TRIM2: variants seen among roughly 807,000 people sequenced by gnomAD.
TRIM2 encodes tripartite motif containing 2.
Under a neutral mutation model 75.2 loss-of-function variants are expected in TRIM2, and 20 were observed. The observed-to-expected ratio is 0.27, with a 90% confidence interval of 0.19 to 0.39. TRIM2 has a LOEUF of 0.39. Among genes scored for constraint, TRIM2 ranks in the 10% least tolerant of loss-of-function variants. The pLI, the probability that TRIM2 is intolerant of heterozygous loss-of-function variation, is 1.00. For synonymous variants in TRIM2, 373 were observed against 388.3 expected (o/e 0.96, Z 0.46); for missense variants, 660 against 990.8 (o/e 0.67, Z 4.48).
At chr4:153,214,530 G>A (rs1203748895) in intron 1 of TRIM2, among the ~76,000 whole-genome samples, 1 of 152,220 alleles carries the variant, frequency 6.6e-6, no homozygotes, top group African/African-American at 2.4e-5. Flanking sequence ...AACCAGAACT[G>A]TTTACCCTAC....
chr4:153,206,286 G>A (rs1579538220), intron 1 of TRIM2, among the ~76,000 whole-genome samples: 1 of 152,202 alleles, frequency 6.6e-6, no homozygotes, highest in African/African-American at 2.4e-5. Flanking sequence ...TCCATGAGAA[G>A]TTCTCACGAT....
In TRIM2 at chr4:153,295,743, G is replaced by C. The variant is rs759021396; in HGVS notation, c.1217G>C (p.Gly406Ala). The change falls in exon 6 of 12, where the codon GGG (glycine) becomes GCG (alanine). Residue 406 changes from glycine (G) to alanine (A), a missense_variant. Transcript: ENST00000338700. The surrounding 1 kb of genome is among the most constrained non-coding windows in gnomAD (Gnocchi z 7.2). ...ACCCCCGACGGGAGCGTGGCAGACG[G>C]GGAGATCCTGGACAACAAGAACGGC... ...LSTPDGSVAD[G>A]EILDNKNGTY... 6.2e-7 allele frequency: 1 copy of C among 1,614,084 alleles called. No individual in the cohort carries two copies. The highest frequency in any genetic ancestry group is 8.5e-7 in the Non-Finnish European group (1 of 1,179,998).
Position 153,315,582 on chromosome 4 carries a change from T to C in TRIM2, c.1608T>C (p.Cys536=). 1 of 1,608,126 alleles carries C rather than the reference T, an allele frequency of 6.2e-7. No individual in the cohort carries two copies. Among genetic ancestry groups the C allele is most frequent in the South Asian group, 1.1e-5 (1 of 89,442 alleles). Reference sequence around the variant, plus strand: ...TAATTGCAGACAGTAACAACCAATGTGTGCAGGTATAGCCCCTAATTATAT... The same window carrying C: ...TAATTGCAGACAGTAACAACCAATGCGTGCAGGTATAGCCCCTAATTATAT... ...KILIADSNNQ[C]VQIFSNDGQF... Residue 536 remains cysteine (C), a synonymous_variant, in exon 7 of 12, where the codon TGT becomes TGC. Coordinates refer to ENST00000338700, the MANE Select transcript of TRIM2 (RefSeq NM_015271.5).
At chr4:153,223,092 C>T (rs910281727) in intron 1 of TRIM2, 1 of 152,136 alleles carries the variant, frequency 6.6e-6, no homozygotes, top group Admixed American at 6.5e-5. Context: ...GGGCAAGGTC[C>T]GGTGGCCGGA....
At chr4:153,210,391 A>G (rs1173684865) in intron 1 of TRIM2, among the ~76,000 whole-genome samples, 1 of 152,128 alleles carries the variant, frequency 6.6e-6, no homozygotes, top group Non-Finnish European at 1.5e-5. Flanking sequence ...AAATGTAGGG[A>G]CATCAAGCAA....
At chr4:153,168,318 A>AAAT (rs1730514208) in intron 1 of TRIM2, among the ~76,000 whole-genome samples, 1 of 152,214 alleles carries the variant, frequency 6.6e-6, no homozygotes, top group South Asian at 2.1e-4. Context: ...TAAATTACAT[A>AAAT]AATTGTTTTG....
At chr4:153,209,178 C>T (rs1334790385) in intron 1 of TRIM2, among the ~76,000 whole-genome samples, 1 of 152,208 alleles carries the variant, frequency 6.6e-6, no homozygotes, top group African/African-American at 2.4e-5. Context: ...CAATGCCTCC[C>T]TAACTAGAGT....
intron 1 of TRIM2, among the ~76,000 whole-genome samples, chr4:153,172,631 C>A (rs1401570677): frequency 6.6e-6 from 1 of 152,194 alleles, no homozygotes; most frequent in Non-Finnish European, 1.5e-5. Flanking sequence ...TGTGCCCACC[C>A]TCTGCCCAAT....
intron 10 of TRIM2, among the ~76,000 whole-genome samples, chr4:153,325,257 C>T (rs1027157570): frequency 6.6e-6 from 1 of 152,168 alleles, no homozygotes; most frequent in African/African-American, 2.4e-5. Flanking sequence ...CAGACAGTAG[C>T]GCACAGTGGG....
intron 1 of TRIM2, among the ~76,000 whole-genome samples, chr4:153,226,342 A>G (rs899220723): frequency 1.3e-5 from 2 of 152,246 alleles, no homozygotes; most frequent in Admixed American, 6.5e-5. Context: ...TAAATACCAT[A>G]TATGTCAGCA....
rs1231802080 is a variant in TRIM2, at chr4:153,295,619, A to C, written c.1093A>C (p.Thr365Pro). The change falls in exon 6 of 12, where the codon ACC becomes CCC. Residue 365 changes from threonine (T) to proline (P), a missense_variant. By Grantham distance (38) the Thr-to-Pro change is conservative (BLOSUM62 -1). Transcript: ENST00000338700. This position sits in a 1 kb window ranked among gnomAD's most constrained non-coding sequence, Gnocchi z 7.2. ...GGCCACGGGCGAGGGGCTGCGGCAG[A>C]CCATCATCGGGCAGCCCATGTCCGT... ...TVATGEGLRQTIIGQPMSVTI... is the reference protein window; with the variant it reads ...TVATGEGLRQPIIGQPMSVTI... The C allele has an allele frequency of 2.9e-5, 47 of 1,613,848 alleles. No homozygotes were observed. The highest frequency in any genetic ancestry group is 3.9e-5 in the Non-Finnish European group (46 of 1,180,010).
chr4:153,157,061 C>A (rs1206918469), intron 1 of TRIM2: 1 of 152,344 alleles, frequency 6.6e-6, no homozygotes, highest in Admixed American at 6.5e-5. Flanking sequence ...GGCAGAGAGA[C>A]CTGTGTGTGC....
intron 1 of TRIM2, among the ~76,000 whole-genome samples, chr4:153,261,006 C>G (rs1180291666): frequency 6.6e-6 from 1 of 152,098 alleles, no homozygotes; most frequent in African/African-American, 2.4e-5. Context: ...CTGGCAGGTA[C>G]AGGGTAGCAT....
intron 1 of TRIM2, among the ~76,000 whole-genome samples, chr4:153,206,214 C>T (rs762745678): frequency 2.6e-5 from 4 of 152,188 alleles, no homozygotes; most frequent in Non-Finnish European, 5.9e-5. Flanking sequence ...ACCAGGCTGC[C>T]CCGACCTCAG....
At chr4:153,244,432 CTTCTT>C (rs1748476987) in intron 1 of TRIM2, among the ~76,000 whole-genome samples, 1 of 108,530 alleles carries the variant, frequency 9.2e-6, no homozygotes, top group Non-Finnish European at 1.8e-5. Context: ...TCTTCTTCTT[CTTCTT>C]TTAATTAGAG....
At chr4:153,181,112 A>T (rs1314530016) in intron 1 of TRIM2, among the ~76,000 whole-genome samples, 1 of 152,188 alleles carries the variant, frequency 6.6e-6, no homozygotes, top group Non-Finnish European at 1.5e-5. Context: ...CTCTCACAGG[A>T]TGAGCTGGCA....
chr4:153,297,545 A>C (rs1037705008), intron 6 of TRIM2, among the ~76,000 whole-genome samples: 2 of 152,222 alleles, frequency 1.3e-5, no homozygotes, highest in Non-Finnish European at 2.9e-5. Context: ...GTAATTGTTA[A>C]GGCTTTTAGA....
In TRIM2 at chr4:153,295,818, C is replaced by G; in HGVS notation, c.1292C>G (p.Ser431Cys). 1 of 1,614,128 alleles carries G rather than the reference C, an allele frequency of 6.2e-7. No individual in the cohort carries two copies. Among genetic ancestry groups the G allele is most frequent in the Non-Finnish European group, 8.5e-7 (1 of 1,180,022 alleles). ...TVQKEGDFTL[S>C]LRLYDQHIRG... The stretch of plus-strand genomic sequence containing the variant: ...CAGAAGGAAGGGGACTTTACCCTGT[C>G]TCTGAGACTCTATGACCAGCACATC... Residue 431 changes from serine (S) to cysteine (C), a missense_variant, in exon 6 of 12, where the codon TCT becomes TGT. Ser to Cys is a moderately radical substitution (Grantham distance 112). Transcript: ENST00000338700. The surrounding 1 kb of genome is among the most constrained non-coding windows in gnomAD (Gnocchi z 7.2).
intron 6 of TRIM2, among the ~76,000 whole-genome samples, chr4:153,304,848 G>A (rs1764654524): frequency 6.6e-6 from 1 of 152,220 alleles, no homozygotes; most frequent in Non-Finnish European, 1.5e-5. Flanking sequence ...TATACAGGTG[G>A]TGAGAAGGCT....
Sources: gnomAD v4.1 joint callset for allele counts (sites outside exome capture counted in the v4.1 genomes callset) on GRCh38, gnomAD v4.1.1 for gene constraint, Gnocchi (gnomAD v3.1) non-coding constraint, MANE v1.5 for transcripts, NCBI Gene and HGNC (gene_info 2026-07-23, HGNC 2026-07-21) for gene names.